The following NAAA variants were observed in gnomAD, a reference collection of about 807,000 sequenced individuals.
The protein encoded by NAAA is N-acylethanolamine acid amidase.
NAAA carries 39 observed loss-of-function variants against 44.8 expected under a neutral mutation model. That is an observed-to-expected ratio of 0.87 (90% confidence interval 0.67 to 1.14). The LOEUF is 1.14. Among genes scored for constraint, NAAA ranks in the 50% most tolerant of loss-of-function variants. The pLI, the probability that NAAA is intolerant of heterozygous loss-of-function variation, is 0.00. For missense variants in NAAA, 460 were observed against 467.8 expected, an observed-to-expected ratio of 0.98 and a Z score of 0.15; for synonymous variants, 178 against 191.3, an observed-to-expected ratio of 0.93 and a Z score of 0.58.
At chr4:75,917,607 AG>A (rs1412511730) in intron 9 of NAAA, 2 of 184,288 alleles carry the variant, frequency 1.1e-5, no homozygotes, top group Non-Finnish European at 2.3e-5. Context: ...CTGTGATAAC[AG>A]GCGTGCACCG....
At chr4:75,933,807 G>A (rs2149279326) in intron 3 of NAAA, among the ~76,000 whole-genome samples, 1 of 151,962 alleles carries the variant, frequency 6.6e-6, no homozygotes, top group East Asian at 1.9e-4. Context: ...GGCCGAGGCG[G>A]GTGGATTATC....
In NAAA at chr4:75,936,242, A is replaced by T. The variant is rs4859573; in HGVS notation, c.372-7T>A. On this transcript the variant is annotated splice_polypyrimidine_tract_variant and splice_region_variant and intron_variant, in intron 2 of 10. Coordinates refer to ENST00000286733, the MANE Select transcript of NAAA (RefSeq NM_014435.4). ...CACAATACTGGTGCAGAACCTGAGA[A>T]AAGGGAAAAGTCCAACATGAATGAA... 1 of 1,610,540 alleles carries T rather than the reference A, an allele frequency of 6.2e-7. No individual in the cohort carries two copies. The highest frequency in any genetic ancestry group is 8.5e-7 in the Non-Finnish European group (1 of 1,178,522).
chr4:75,924,699 A>G (rs1018946023), intron 5 of NAAA, among the ~76,000 whole-genome samples: 2 of 152,210 alleles, frequency 1.3e-5, no homozygotes, highest in African/African-American at 2.4e-5. Flanking sequence ...TCCTATCTCA[A>G]TCAGCTATTG....
chr4:75,932,303 T>A (rs976018566), intron 3 of NAAA, among the ~76,000 whole-genome samples: 1 of 152,220 alleles, frequency 6.6e-6, no homozygotes, highest in African/African-American at 2.4e-5. Context: ...TTTTATAAGC[T>A]CTGTGAAGTT....
chr4:75,919,230 C>T (rs763432917), intron 8 of NAAA: 18 of 168,262 alleles, frequency 1.1e-4, no homozygotes, highest in Non-Finnish European at 1.7e-4. Context: ...TTAGTAGAGA[C>T]GGGGTTTCAC....
chr4:75,916,778 CTTT>C lies in NAAA; in HGVS notation c.999-1796_999-1794del, dbSNP rs35739236. Among the ~76,000 whole-genome samples the C allele has an allele frequency of 6.1e-4, 47 of 76,972 alleles. 1 individual carries two copies. The highest frequency in any genetic ancestry group is 2.0e-3 in the African/African-American group (42 of 21,148). The allele number at this position is 76,972 out of a possible 152,430, so 50.5% of individuals were successfully genotyped here. ...TTTTTAAAAGATATATTCATCACTT[CTTT>C]TTTTTTTTTTTTTTTTTTTTTTTTA... is the stretch of plus-strand genomic sequence containing the variant. On this transcript the variant is annotated intron_variant, in intron 9 of 10. Transcript: ENST00000286733.
Position 75,931,377 on chromosome 4 carries a change from C to A in NAAA, c.499-73G>T, listed in dbSNP as rs951150639. ...CACTGAAATCACCTGTTCTGCCCCA[C>A]AATTTTCTGGATTTTTTTTCTTATA... is the stretch of plus-strand genomic sequence containing the variant. On this transcript the variant is annotated intron_variant, in intron 3 of 10. Coordinates refer to ENST00000286733, the MANE Select transcript of NAAA (RefSeq NM_014435.4). 3 of 1,141,854 alleles carry A rather than the reference C, an allele frequency of 2.6e-6. No individual in the cohort carries two copies. In the African/African-American group the frequency reaches 4.7e-5, roughly 18 times the overall value. The allele number at this position is 1,141,854 out of a possible 1,614,324, so 70.7% of individuals were successfully genotyped here.
At chr4:75,922,309 T>A (rs550519085) in intron 5 of NAAA, among the ~76,000 whole-genome samples, 2 of 148,714 alleles carry the variant, frequency 1.3e-5, no homozygotes, top group African/African-American at 2.5e-5. Flanking sequence ...ACCCAGGAGA[T>A]GAAGGTTGCA....
At chr4:75,939,919 G>C in intron 2 of NAAA, 82 bp downstream of exon 2, 1 of 1,523,668 alleles carries the variant, frequency 6.6e-7, no homozygotes, top group Non-Finnish European at 9.0e-7. Flanking sequence ...TTTATCACAC[G>C]GAAAATATGT....
intron 3 of NAAA, among the ~76,000 whole-genome samples, chr4:75,933,443 T>G (rs1002765024): frequency 2.6e-5 from 4 of 152,102 alleles, no homozygotes; most frequent in African/African-American, 9.7e-5. Flanking sequence ...GAAATAAGTC[T>G]TCCTTACTAC....
At chr4:75,929,512 T>C (rs916054979) in intron 4 of NAAA, among the ~76,000 whole-genome samples, 2 of 152,220 alleles carry the variant, frequency 1.3e-5, no homozygotes, top group Non-Finnish European at 2.9e-5. Context: ...TAACTGCTCA[T>C]ACCTTAGATT....
chr4:75,927,057 T>C (rs899383832), intron 4 of NAAA, among the ~76,000 whole-genome samples: 1 of 151,980 alleles, frequency 6.6e-6, no homozygotes, highest in African/African-American at 2.4e-5. Flanking sequence ...CCAAAGAAGA[T>C]ATACAAATGG....
chr4:75,914,779 G>T, intron 10 of NAAA, 89 bp downstream of exon 10: 1 of 803,236 alleles, frequency 1.2e-6, no homozygotes, highest in Non-Finnish European at 2.0e-6. Context: ...TATTATATAT[G>T]TATACATTTT....
chr4:75,923,689 G>A (rs970489423), intron 5 of NAAA, among the ~76,000 whole-genome samples: 16 of 151,712 alleles, frequency 1.1e-4, no homozygotes, highest in African/African-American at 2.9e-4. Context: ...ACAGACACCC[G>A]CCACTACACC....
chr4:75,923,417 G>A (rs760401842), intron 5 of NAAA, among the ~76,000 whole-genome samples: 5 of 152,210 alleles, frequency 3.3e-5, no homozygotes, highest in African/African-American at 4.8e-5. Context: ...CTGAAAAATC[G>A]AGCTGCAAAC....
chr4:75,932,154 G>A (rs1458332228), intron 3 of NAAA, among the ~76,000 whole-genome samples: 6 of 152,122 alleles, frequency 3.9e-5, no homozygotes, highest in African/African-American at 9.7e-5. Context: ...ACTTGAACCC[G>A]GGAGGCGGAG....
chr4:75,936,228 T>C lies in NAAA; in HGVS notation c.379A>G (p.Thr127Ala). Reference sequence around the variant, plus strand: ...CTGGAGTCTTGAGCCACAATACTGGTGCAGAACCTGAGAAAAGGGAAAAGT... The same window carrying C: ...CTGGAGTCTTGAGCCACAATACTGGCGCAGAACCTGAGAAAAGGGAAAAGT... ...NLAYESSVFC[T>A]SIVAQDSRGH... Residue 127 changes from threonine (T) to alanine (A), a missense_variant, in exon 3 of 11, where the codon ACC becomes GCC. Transcript: ENST00000286733. 1 of 1,613,068 alleles carries C rather than the reference T, an allele frequency of 6.2e-7. No homozygotes were observed. Among genetic ancestry groups the C allele is most frequent in the Non-Finnish European group, 8.5e-7 (1 of 1,179,612 alleles).
At chr4:75,927,602 T>TA (rs540432436) in intron 4 of NAAA, among the ~76,000 whole-genome samples, 49 of 100,978 alleles carry the variant, frequency 4.9e-4, no homozygotes, top group East Asian at 1.1e-3. Flanking sequence ...TTGTTTCTAC[T>TA]AAAAAAAAAA....
intron 2 of NAAA, among the ~76,000 whole-genome samples, chr4:75,938,887 G>A (rs11931349): frequency 0.34 from 51,151 of 151,932 alleles, 9,505 homozygotes; most frequent in South Asian, 0.42. Flanking sequence ...TCGCTTTGTC[G>A]CCCAGGCTGC....
Sources: gnomAD v4.1 joint callset for allele counts (sites outside exome capture counted in the v4.1 genomes callset) on GRCh38, gnomAD v4.1.1 for gene constraint, MANE v1.5 for transcripts, NCBI Gene and HGNC (gene_info 2026-07-23, HGNC 2026-07-21) for gene names.